LIMD1: variants seen among roughly 807,000 people sequenced by gnomAD.
The protein encoded by LIMD1 is LIM domain-containing protein 1.
In LIMD1, 23 loss-of-function variants were observed where a neutral mutation model predicts 58.4. The observed-to-expected ratio is 0.39, with a 90% CI of 0.28 to 0.56. The LOEUF (loss-of-function observed/expected upper bound fraction) is 0.56. LIMD1 is among the 20% of genes least tolerant of loss of function. The probability of loss-of-function intolerance (pLI) is 0.57; values close to 1 mark genes in which losing one functional copy is unlikely to be tolerated. For synonymous variants in LIMD1, 334 were observed against 345.5 expected, an observed-to-expected ratio of 0.97 and a Z score of 0.37; for missense variants, 838 against 855.5, an observed-to-expected ratio of 0.98 and a Z score of 0.25.
chr3:45,644,686 C>T (rs1336734499), intron 2 of LIMD1, among the ~76,000 whole-genome samples: 1 of 152,200 alleles, frequency 6.6e-6, no homozygotes, highest in Non-Finnish European at 1.5e-5. Context: ...ACCTGTGGAT[C>T]CACAGCTCTT....
At chr3:45,657,927 T>G (rs1697364396) in intron 2 of LIMD1, among the ~76,000 whole-genome samples, 2 of 152,206 alleles carry the variant, frequency 1.3e-5, no homozygotes. Context: ...ACTGAACCCT[T>G]TCTACGCTCA....
At chr3:45,647,971 T>A (rs1701923732) in intron 2 of LIMD1, among the ~76,000 whole-genome samples, 1 of 152,096 alleles carries the variant, frequency 6.6e-6, no homozygotes, top group Non-Finnish European at 1.5e-5. Context: ...TCCATTGCCA[T>A]CTCCATTGCT....
intron 1 of LIMD1, among the ~76,000 whole-genome samples, chr3:45,611,354 C>T (rs1701520805): frequency 6.6e-6 from 1 of 152,198 alleles, no homozygotes; most frequent in African/African-American, 2.4e-5. Context: ...AGCAGGGGGG[C>T]TCTGGGGTCC....
chr3:45,673,702 C>T (rs1346440630), intron 6 of LIMD1, 197 bp downstream of exon 6: 3 of 604,524 alleles, frequency 5.0e-6, no homozygotes, highest in Admixed American at 5.5e-5. Context: ...TTGCTTGAGG[C>T]CTGGAGTTTA....
rs1697736901 is a variant in LIMD1 at position 45,681,053 on chromosome 3, A to G, written c.*3994A>G. Reference sequence around the variant, plus strand: ...AACAGAAAAAAGAGTGAAATATATTAGCTATCTTTTATTCTGAGCCAAAAC... The same window carrying G: ...AACAGAAAAAAGAGTGAAATATATTGGCTATCTTTTATTCTGAGCCAAAAC... On this transcript the variant is annotated 3_prime_UTR_variant, in exon 8 of 8. Coordinates refer to ENST00000273317, the MANE Select transcript of LIMD1 (RefSeq NM_014240.3). 6.6e-6 allele frequency: 1 copy of G among 151,898 alleles called. No homozygotes were observed. Among genetic ancestry groups the G allele is most frequent in the South Asian group, 2.1e-4 (1 of 4,824 alleles). 9.4% of individuals were successfully genotyped at this position (151,898 alleles called of 1,614,324 possible). A position where few individuals can be genotyped will look rare whatever the true frequency, so the allele number is the denominator to read the frequency against.
At chr3:45,617,331 G>A (rs999165937) in intron 1 of LIMD1, among the ~76,000 whole-genome samples, 1 of 152,308 alleles carries the variant, frequency 6.6e-6, no homozygotes, top group Admixed American at 6.5e-5. Flanking sequence ...ACAGGTGTGA[G>A]CCACTGCACC....
rs191814060 is a variant in LIMD1, at chr3:45,683,569, T to A, written c.*6510T>A. Reference sequence around the variant, plus strand: ...TTACACAACCAGTCAGATGTTTGTATAGGGTGGTGTAACTTTGTAACTTTG... The same window carrying A: ...TTACACAACCAGTCAGATGTTTGTAAAGGGTGGTGTAACTTTGTAACTTTG... On this transcript the variant is annotated 3_prime_UTR_variant, in exon 8 of 8. Transcript: ENST00000273317. 1 of 152,158 alleles carries A rather than the reference T, an allele frequency of 6.6e-6. No individual in the cohort carries two copies. Among genetic ancestry groups the A allele is most frequent in the Non-Finnish European group, 1.5e-5 (1 of 68,042 alleles). 9.4% of individuals were successfully genotyped at this position (152,158 alleles called of 1,614,324 possible). A position where few individuals can be genotyped will look rare whatever the true frequency, so the allele number is the denominator to read the frequency against.
At chr3:45,668,788 G>A (rs931140850) in intron 4 of LIMD1, among the ~76,000 whole-genome samples, 2 of 150,830 alleles carry the variant, frequency 1.3e-5, no homozygotes, top group African/African-American at 2.4e-5. Context: ...AGTACAGCTT[G>A]CTTGTTCTAA....
chr3:45,649,707 TAC>T (rs1559522195), intron 2 of LIMD1, among the ~76,000 whole-genome samples: 64 of 91,476 alleles, frequency 7.0e-4, no homozygotes, highest in African/African-American at 2.1e-3. Context: ...TATATATGTA[TAC>T]ATATATATAT....
At chr3:45,674,536 G>C (rs916336765) in intron 7 of LIMD1, 125 bp downstream of exon 7, 1 of 684,516 alleles carries the variant, frequency 1.5e-6, no homozygotes, top group Non-Finnish European at 2.6e-6. Flanking sequence ...TAGAGCTTCT[G>C]TAGGAAATGG....
intron 1 of LIMD1, among the ~76,000 whole-genome samples, chr3:45,602,874 C>T (rs1226226577): frequency 2.6e-5 from 4 of 151,360 alleles, no homozygotes; most frequent in Non-Finnish European, 2.9e-5. Flanking sequence ...GAGGCTCACT[C>T]CGTCACCCAG....
At chr3:45,644,393 A>G (rs1176465741) in intron 2 of LIMD1, among the ~76,000 whole-genome samples, 1 of 152,216 alleles carries the variant, frequency 6.6e-6, no homozygotes, top group Non-Finnish European at 1.5e-5. Flanking sequence ...TTAAGCCTGA[A>G]CTAGGGAGGT....
At chr3:45,625,343 T>G (rs1324877891) in intron 1 of LIMD1, among the ~76,000 whole-genome samples, 1 of 152,050 alleles carries the variant, frequency 6.6e-6, no homozygotes, top group Non-Finnish European at 1.5e-5. Flanking sequence ...AAACAAGAAA[T>G]GCCGAGTACC....
In LIMD1 at chr3:45,676,904, A is replaced by G. The variant is rs376203502; in HGVS notation, c.1894-18A>G. 1.3e-5 allele frequency: 21 copies of G among 1,613,716 alleles called. No homozygotes were observed. Among genetic ancestry groups the G allele is most frequent in the Non-Finnish European group, 1.7e-5 (20 of 1,179,798 alleles). ...CTGTTTTGTTTTGCTTCCCCTGGAC[A>G]TGTCTGCCTCCCCACAGGACTGTGG... is the stretch of plus-strand genomic sequence containing the variant. On this transcript the variant is annotated intron_variant, in intron 7 of 7. Coordinates refer to ENST00000273317, the MANE Select transcript of LIMD1 (RefSeq NM_014240.3).
At chr3:45,648,009 A>G (rs1701924137) in intron 2 of LIMD1, among the ~76,000 whole-genome samples, 1 of 150,740 alleles carries the variant, frequency 6.6e-6, no homozygotes, top group Non-Finnish European at 1.5e-5. Flanking sequence ...TCCCATGTGC[A>G]CCCTTCATTT....
At chr3:45,601,989 A>T (rs1371830072) in intron 1 of LIMD1, among the ~76,000 whole-genome samples, 2 of 145,306 alleles carry the variant, frequency 1.4e-5, no homozygotes, top group Non-Finnish European at 3.0e-5. Context: ...GTCGCCCAGG[A>T]TGGAGTGCAG....
At chr3:45,638,319 A>T (rs1388316632) in intron 2 of LIMD1, among the ~76,000 whole-genome samples, 3 of 152,250 alleles carry the variant, frequency 2.0e-5, no homozygotes, top group South Asian at 4.1e-4. Flanking sequence ...TTAGTTTTAG[A>T]TTCAAGACGT....
chr3:45,627,593 C>A (rs1159359589), intron 1 of LIMD1, among the ~76,000 whole-genome samples: 1 of 151,286 alleles, frequency 6.6e-6, no homozygotes, highest in Non-Finnish European at 1.5e-5. Context: ...GAGTTCAAGA[C>A]CAACTTGGTC....
At position 45,677,110 on chromosome 3, in the gene LIMD1, G is replaced by A. The variant is rs113121453; in HGVS notation, c.*51G>A. ...CAGGGGATGAGGAGCCGGGGTTGCT[G>A]CTGCTGCTTCCGGTGGCCCCTGGGG... On this transcript the variant is annotated 3_prime_UTR_variant, in exon 8 of 8. Coordinates refer to ENST00000273317, the MANE Select transcript of LIMD1 (RefSeq NM_014240.3). 59,083 of 1,592,408 alleles carry A rather than the reference G, an allele frequency of 0.037. 1,282 individuals are homozygous for A. Among genetic ancestry groups the A allele is most frequent in the African/African-American group, 0.07 (5,223 of 74,740 alleles).
Sources: allele counts gnomAD v4.1 joint callset (sites outside exome capture counted in the v4.1 genomes callset), GRCh38; gene constraint gnomAD v4.1.1; transcripts MANE v1.5; gene names NCBI Gene and HGNC (gene_info 2026-07-23, HGNC 2026-07-21).